The following GRM4 variants were observed in gnomAD, a reference collection of about 807,000 sequenced individuals.
The protein encoded by GRM4 is glutamate metabotropic receptor 4.
A neutral mutation model predicts 81.7 loss-of-function variants in GRM4; 28 were observed. That is an observed-to-expected ratio of 0.34 (90% confidence interval 0.25 to 0.47). The LOEUF is 0.47. Among genes scored for constraint, GRM4 ranks in the 20% least tolerant of loss-of-function variants. The pLI is 1.00. For missense variants in GRM4, 948 were observed against 1,290.0 expected, an observed-to-expected ratio of 0.73 and a Z score of 4.06; for synonymous variants, 488 against 528.8, an observed-to-expected ratio of 0.92 and a Z score of 1.06.
chr6:34,105,689 C>T (rs1033112591), intron 2 of GRM4, among the ~76,000 whole-genome samples: 1 of 152,126 alleles, frequency 6.6e-6, no homozygotes, highest in Non-Finnish European at 1.5e-5. Flanking sequence ...CAGCATGCAC[C>T]CCTGAACTCC....
upstream of GRM4, among the ~76,000 whole-genome samples, chr6:34,147,816 C>T (rs1473682835): frequency 6.6e-6 from 1 of 152,168 alleles, no homozygotes; most frequent in Non-Finnish European, 1.5e-5. Context: ...AATGTATGCC[C>T]AGCACCTAGT....
Position 34,040,214 on chromosome 6 carries a change from C to A in GRM4, c.1470G>T (p.Lys490Asn). ...YQLRNDSAEY[K>N]VIGSWTDHLH... The stretch of plus-strand genomic sequence containing the variant: ...GGTGGTCAGTCCAGGAGCCAATGAC[C>A]TTGTACTCGGCAGAATCGTTGCGCA... The change falls in exon 8 of 11, where the codon AAG (lysine) becomes AAT (asparagine). Residue 490 changes from lysine (K) to asparagine (N), a missense_variant. Physicochemically the swap from Lys to Asn is moderately conservative, Grantham distance 94. Coordinates refer to ENST00000538487, the MANE Select transcript of GRM4 (RefSeq NM_000841.4). The A allele has an allele frequency of 6.2e-7, 1 of 1,614,144 alleles. No homozygotes were observed. The highest frequency in any genetic ancestry group is 1.1e-5 in the South Asian group (1 of 91,090).
At position 34,028,136 on chromosome 6, in the gene GRM4, C is replaced by A; in HGVS notation, c.2673G>T (p.Glu891Asp). ...GGCACTCACCTGGGGCCTCAAGGTT[C>A]TCGCAGAGCTCAGACTTGGCCTCTC... is the stretch of plus-strand genomic sequence containing the variant. ...PNGEAKSELCENLEAPALATK... is the reference protein window; with the variant it reads ...PNGEAKSELCDNLEAPALATK... The change falls in exon 10 of 11, where the codon GAG becomes GAT. Residue 891 changes from glutamate to aspartate, a missense_variant. Glu to Asp is a conservative substitution (Grantham distance 45). Transcript: ENST00000538487. 6.2e-7 allele frequency: 1 copy of A among 1,612,996 alleles called. No homozygotes were observed. Among genetic ancestry groups the A allele is most frequent in the South Asian group, 1.1e-5 (1 of 90,952 alleles).
intron 6 of GRM4, 126 bp downstream of exon 6, chr6:34,056,418 A>C: frequency 1.2e-6 from 1 of 801,946 alleles, no homozygotes; most frequent in Non-Finnish European, 1.9e-6. Flanking sequence ...GTGCAGGCCC[A>C]ACTGCACGTC....
Position 34,028,204 on chromosome 6 carries a change from T to G in GRM4, c.2605A>C (p.Met869Leu). The change falls in exon 10 of 11, where the codon ATG becomes CTG. Residue 869 changes from methionine (M) to leucine (L), a missense_variant. Coordinates refer to ENST00000538487, the MANE Select transcript of GRM4 (RefSeq NM_000841.4). ...CCCTTCTGCGTGAACTTGTTGGACA[T>G]GGTGGCCGCCGTAACGACGGCTTTG... ...SLKAVVTAAT[M>L]SNKFTQKGNF... 6.2e-7 allele frequency: 1 copy of G among 1,613,870 alleles called. No homozygotes were observed. Among genetic ancestry groups the G allele is most frequent in the Non-Finnish European group, 8.5e-7 (1 of 1,179,988 alleles).
At chr6:34,044,947 C>T (rs897193756) in intron 6 of GRM4, among the ~76,000 whole-genome samples, 1 of 151,722 alleles carries the variant, frequency 6.6e-6, no homozygotes, top group African/African-American at 2.4e-5. Context: ...CACACATAGA[C>T]ATACATACAC....
chr6:34,071,949 TCACCACACAGATACA>T (rs1306195667), intron 3 of GRM4, among the ~76,000 whole-genome samples: 1,405 of 127,204 alleles, frequency 0.011, 5 homozygotes, highest in South Asian at 0.017. Flanking sequence ...CACACACATA[TCACCACACAGATACA>T]CACCACACAC....
In GRM4 at chr6:34,022,878, G is replaced by A. The variant is rs768107064; in HGVS notation, c.2690-8C>T. The A allele has an allele frequency of 3.1e-6, 5 of 1,612,814 alleles. No individual in the cohort carries two copies. ...TCTGTTTGGTGGCCAGCGCTGGAAG[G>A]AGAGAGACCAGGGGTACCCAGGAGT... On this transcript the variant is annotated splice_region_variant and splice_polypyrimidine_tract_variant and intron_variant, in intron 10 of 10. Transcript: ENST00000538487. The surrounding 1 kb of genome is among the most constrained non-coding windows in gnomAD (Gnocchi z 5.6).
At position 34,064,126 on chromosome 6, in the gene GRM4, C is replaced by T. The variant is rs1766328944; in HGVS notation, c.737-2098G>A. ...AGCGGGAGTGTGAGTGAGCCACAAGCAACTTGAGATGCAAGTGCAGTCTGA... is the reference window on the plus strand; with the variant it reads ...AGCGGGAGTGTGAGTGAGCCACAAGTAACTTGAGATGCAAGTGCAGTCTGA... On this transcript the variant is annotated intron_variant, in intron 3 of 10. Coordinates refer to ENST00000538487, the MANE Select transcript of GRM4 (RefSeq NM_000841.4). The surrounding 1 kb of genome is among the most constrained non-coding windows in gnomAD (Gnocchi z 4.4). Among the ~76,000 whole-genome samples, 1 of 152,106 alleles carries T rather than the reference C, an allele frequency of 6.6e-6. No individual in the cohort carries two copies. The highest frequency in any genetic ancestry group is 6.5e-5 in the Admixed American group (1 of 15,278).
intron 3 of GRM4, among the ~76,000 whole-genome samples, chr6:34,087,708 C>CCACA (rs1554127495): frequency 3.6e-5 from 5 of 137,852 alleles, no homozygotes; most frequent in South Asian, 2.4e-4. Context: ...AACCCCCCCC[C>CCACA]CACACACACA....
chr6:34,048,532 C>T lies in GRM4; in HGVS notation c.1169-7784G>A, dbSNP rs549578724. Among the ~76,000 whole-genome samples, 7 of 152,280 alleles carry T rather than the reference C, an allele frequency of 4.6e-5. No homozygotes were observed. The highest frequency in any genetic ancestry group is 2.6e-4 in the Admixed American group (4 of 15,308). ...AGCCGCCCCTGCTAACAACTCCCAA[C>T]GCAGACATCCCTCTCCCCCATTATT... On this transcript the variant is annotated intron_variant, in intron 6 of 10. Transcript: ENST00000538487. This position sits in a 1 kb window ranked among gnomAD's most constrained non-coding sequence, Gnocchi z 4.0.
chr6:34,098,755 G>A (rs1317392760), intron 2 of GRM4, among the ~76,000 whole-genome samples: 1 of 152,258 alleles, frequency 6.6e-6, no homozygotes, highest in Non-Finnish European at 1.5e-5. Context: ...GTGTGGTTCA[G>A]AGAAAGAGGA....
chr6:34,116,285 G>A (rs980109811), intron 2 of GRM4, among the ~76,000 whole-genome samples: 5 of 152,186 alleles, frequency 3.3e-5, no homozygotes, highest in African/African-American at 4.8e-5. Flanking sequence ...TTCCTCTCCT[G>A]TAAAATGGGG....
At chr6:34,072,037 G>T in intron 3 of GRM4, among the ~76,000 whole-genome samples, 1 of 144,298 alleles carries the variant, frequency 6.9e-6, no homozygotes, top group South Asian at 2.2e-4. Context: ...TATCACCACA[G>T]ATACATGCCA....
rs1768128915 is a variant in GRM4, at chr6:34,090,231, G to A, written c.736+1652C>T. Among the ~76,000 whole-genome samples, 1 of 152,180 alleles carries A rather than the reference G, an allele frequency of 6.6e-6. No homozygotes were observed. Among genetic ancestry groups the A allele is most frequent in the African/African-American group, 2.4e-5 (1 of 41,434 alleles). On this transcript the variant is annotated intron_variant, in intron 3 of 10. Coordinates refer to ENST00000538487, the MANE Select transcript of GRM4 (RefSeq NM_000841.4). The surrounding 1 kb of genome is among the most constrained non-coding windows in gnomAD (Gnocchi z 5.2). ...GCAGGGACTGAACACAACTGAACAC[G>A]GAGACTCAGGGCCCTTGATCCCTTC...
chr6:34,073,104 A>C (rs1581656618), intron 3 of GRM4, among the ~76,000 whole-genome samples: 7 of 44,790 alleles, frequency 1.6e-4, no homozygotes, highest in East Asian at 7.7e-4. Flanking sequence ...CACACCACAC[A>C]CACACATCAC....
chr6:34,154,937 C>T, intron 1 of GRM4: 3 of 622,512 alleles, frequency 4.8e-6, no homozygotes, highest in Non-Finnish European at 7.4e-6. Context: ...CGCCCGGTGG[C>T]CGAACGCCCT....
At position 34,064,058 on chromosome 6, in the gene GRM4, C is replaced by T. The variant is rs980494248; in HGVS notation, c.737-2030G>A. 2.6e-5 allele frequency among the ~76,000 whole-genome samples: 4 copies of T among 152,118 alleles called. No individual in the cohort carries two copies. Among genetic ancestry groups the T allele is most frequent in the Non-Finnish European group, 5.9e-5 (4 of 68,028 alleles). On this transcript the variant is annotated intron_variant, in intron 3 of 10. Coordinates refer to ENST00000538487, the MANE Select transcript of GRM4 (RefSeq NM_000841.4). This position sits in a 1 kb window ranked among gnomAD's most constrained non-coding sequence, Gnocchi z 4.4. ...ACCTCAGGGCATATCTTGCAAGCTT[C>T]GTTTTGCTGGTGAAGGAAGGATTAG...
At chr6:34,138,989 T>C (rs1770573589) in intron 1 of GRM4, among the ~76,000 whole-genome samples, 1 of 152,194 alleles carries the variant, frequency 6.6e-6, no homozygotes, top group African/African-American at 2.4e-5. Context: ...TAAGGAGGCA[T>C]CTTGGAACCT....
Sources: gnomAD v4.1 joint callset for allele counts (sites outside exome capture counted in the v4.1 genomes callset) on GRCh38, gnomAD v4.1.1 for gene constraint, Gnocchi (gnomAD v3.1) non-coding constraint, MANE v1.5 for transcripts, NCBI Gene and HGNC (gene_info 2026-07-23, HGNC 2026-07-21) for gene names.